SLC25A21: variants seen among roughly 807,000 people sequenced by gnomAD.
SLC25A21 encodes the protein mitochondrial 2-oxodicarboxylate carrier.
In SLC25A21, 47 loss-of-function variants were observed where a neutral mutation model predicts 43.8. The ratio of observed to expected loss-of-function variants is 1.07; its 90% CI spans 0.85 to 1.37. The LOEUF (loss-of-function observed/expected upper bound fraction) is 1.37, where lower values mean the gene tolerates loss of function less well. Among genes scored for constraint, SLC25A21 ranks in the 40% most tolerant of loss-of-function variants. The pLI is 0.00. For missense variants in SLC25A21, 352 were observed against 350.2 expected (o/e 1.00, Z -0.04); for synonymous variants, 131 against 121.3 (o/e 1.08, Z -0.52).
chr14:36,756,292 G>C (rs945459802), intron 3 of SLC25A21, among the ~76,000 whole-genome samples: 1 of 152,286 alleles, frequency 6.6e-6, no homozygotes, highest in Non-Finnish European at 1.5e-5. Context: ...GACGATGTTC[G>C]GCCGCCTCCT....
chr14:36,917,079 C>T (rs546952338), intron 1 of SLC25A21, among the ~76,000 whole-genome samples: 1 of 152,274 alleles, frequency 6.6e-6, no homozygotes, highest in South Asian at 2.1e-4. Flanking sequence ...TTCATTGTTT[C>T]TTGCCTGGAT....
chr14:36,713,843 G>T (rs867555869), intron 6 of SLC25A21, among the ~76,000 whole-genome samples: 1 of 151,976 alleles, frequency 6.6e-6, no homozygotes, highest in Admixed American at 6.6e-5. Flanking sequence ...AATTAGCCAG[G>T]TGCTGTGGCA....
intron 2 of SLC25A21, among the ~76,000 whole-genome samples, chr14:36,874,619 G>T (rs1797613891): frequency 6.6e-6 from 1 of 152,178 alleles, no homozygotes; most frequent in South Asian, 2.1e-4. Context: ...GTTAGGCAAT[G>T]CCAAATGAAA....
At chr14:37,105,972 G>A (rs762206416) in intron 1 of SLC25A21, among the ~76,000 whole-genome samples, 4 of 152,124 alleles carry the variant, frequency 2.6e-5, no homozygotes, top group Non-Finnish European at 5.9e-5. Context: ...GAATTGTGAA[G>A]ATTTCATGGA....
chr14:36,887,650 G>A (rs1218016072), intron 1 of SLC25A21, among the ~76,000 whole-genome samples: 1 of 152,058 alleles, frequency 6.6e-6, no homozygotes, highest in Non-Finnish European at 1.5e-5. Flanking sequence ...AGCTGAAGGA[G>A]GGGTTTAAGC....
At chr14:37,153,151 T>A (rs1470100285) in intron 1 of SLC25A21, among the ~76,000 whole-genome samples, 1 of 152,048 alleles carries the variant, frequency 6.6e-6, no homozygotes, top group Non-Finnish European at 1.5e-5. Flanking sequence ...GCCCTGAAAC[T>A]AACACAGGAA....
chr14:37,154,882 T>C (rs1330443905), intron 1 of SLC25A21, among the ~76,000 whole-genome samples: 3 of 152,118 alleles, frequency 2.0e-5, no homozygotes, highest in African/African-American at 7.2e-5. Context: ...CCTCAGGTGA[T>C]CTACCCGCCT....
intron 1 of SLC25A21, among the ~76,000 whole-genome samples, chr14:36,932,950 A>C (rs576179496): frequency 6.6e-6 from 1 of 152,242 alleles, no homozygotes; most frequent in East Asian, 1.9e-4. Flanking sequence ...AAAGCACATT[A>C]ATTACTCTGA....
chr14:36,914,779 T>A (rs1891785514), intron 1 of SLC25A21, among the ~76,000 whole-genome samples: 1 of 152,204 alleles, frequency 6.6e-6, no homozygotes, highest in Admixed American at 6.6e-5. Flanking sequence ...TAGTTTCAGA[T>A]TTAATCATAG....
At chr14:36,866,741 G>C (rs1256840564) in intron 2 of SLC25A21, among the ~76,000 whole-genome samples, 1 of 152,144 alleles carries the variant, frequency 6.6e-6, no homozygotes, top group Non-Finnish European at 1.5e-5. Context: ...AGCCCCATGT[G>C]GCTATGGAGC....
chr14:36,719,788 T>G (rs528321135), intron 6 of SLC25A21, among the ~76,000 whole-genome samples: 1 of 152,272 alleles, frequency 6.6e-6, no homozygotes, highest in East Asian at 1.9e-4. Context: ...TTAAAAACAG[T>G]TTATGGCTAA....
At chr14:36,839,544 A>G (rs940683543) in intron 2 of SLC25A21, among the ~76,000 whole-genome samples, 1 of 152,240 alleles carries the variant, frequency 6.6e-6, no homozygotes, top group Admixed American at 6.5e-5. Context: ...GACATATCTG[A>G]AACTACTTTC....
At chr14:37,007,136 G>C (rs1305896068) in intron 1 of SLC25A21, among the ~76,000 whole-genome samples, 1 of 152,212 alleles carries the variant, frequency 6.6e-6, no homozygotes, top group Non-Finnish European at 1.5e-5. Context: ...CAAAGTGGCA[G>C]TACAAATGAT....
chr14:36,729,104 C>T (rs1004599553), intron 5 of SLC25A21, among the ~76,000 whole-genome samples: 24 of 152,152 alleles, frequency 1.6e-4, no homozygotes, highest in African/African-American at 5.1e-4. Context: ...CCCAAGGGAT[C>T]GATCTGAAGT....
chr14:36,875,638 C>T (rs1890499324), intron 1 of SLC25A21, among the ~76,000 whole-genome samples: 1 of 152,162 alleles, frequency 6.6e-6, no homozygotes, highest in Admixed American at 6.5e-5. Context: ...AATGTAGTAT[C>T]CCCATTGTAC....
chr14:37,095,565 A>C (rs539647967), intron 1 of SLC25A21, among the ~76,000 whole-genome samples: 1 of 152,144 alleles, frequency 6.6e-6, no homozygotes, highest in Non-Finnish European at 1.5e-5. Flanking sequence ...TTCAGTAAAA[A>C]CAAACTGCAG....
intron 1 of SLC25A21, among the ~76,000 whole-genome samples, chr14:36,954,944 T>C (rs1289246788): frequency 6.6e-6 from 1 of 152,174 alleles, no homozygotes; most frequent in East Asian, 1.9e-4. Flanking sequence ...GAACCAATGA[T>C]TACTTCTGCA....
chr14:36,829,617 A>G (rs1888961427), intron 2 of SLC25A21, among the ~76,000 whole-genome samples: 1 of 151,984 alleles, frequency 6.6e-6, no homozygotes, highest in Admixed American at 6.6e-5. Context: ...AATTTATCCT[A>G]CTTTTGGAGT....
intron 1 of SLC25A21, among the ~76,000 whole-genome samples, chr14:37,168,821 C>T (rs1964073943): frequency 6.6e-6 from 1 of 152,146 alleles, no homozygotes; most frequent in Admixed American, 6.5e-5. Flanking sequence ...CAGTGTGGCA[C>T]TCTGACAACC....
Sources: gnomAD v4.1 joint callset for allele counts (sites outside exome capture counted in the v4.1 genomes callset) on GRCh38, gnomAD v4.1.1 for gene constraint, MANE v1.5 for transcripts, NCBI Gene and HGNC (gene_info 2026-07-23, HGNC 2026-07-21) for gene names.